The following GRAMD2B variants were observed in gnomAD, a reference collection of about 807,000 sequenced individuals.
The protein encoded by GRAMD2B is GRAM domain-containing protein 2B.
GRAMD2B carries 41 observed loss-of-function variants against 59.2 expected under a neutral mutation model. The observed-to-expected ratio is 0.69, with a 90% CI of 0.54 to 0.90. GRAMD2B has a LOEUF of 0.90. GRAMD2B is among the 40% of genes least tolerant of loss of function. The pLI, the probability that GRAMD2B is intolerant of heterozygous loss-of-function variation, is 0.00. For synonymous variants in GRAMD2B, 161 were observed against 182.7 expected, an observed-to-expected ratio of 0.88 and a Z score of 0.96; for missense variants, 424 against 500.5, an observed-to-expected ratio of 0.85 and a Z score of 1.46.
At chr5:126,406,788 C>T (rs1364662114) in intron 1 of GRAMD2B, among the ~76,000 whole-genome samples, 1 of 151,918 alleles carries the variant, frequency 6.6e-6, no homozygotes, top group Non-Finnish European at 1.5e-5. Context: ...GAGTCAGATT[C>T]CTGATGATTT....
chr5:126,396,838 G>C (rs911171444), intron 1 of GRAMD2B, among the ~76,000 whole-genome samples: 4 of 152,132 alleles, frequency 2.6e-5, no homozygotes, highest in African/African-American at 9.7e-5. Flanking sequence ...ACCAGCATCT[G>C]CTATTTTTTG....
intron 1 of GRAMD2B, among the ~76,000 whole-genome samples, chr5:126,417,700 A>G (rs1334184712): frequency 1.3e-5 from 2 of 152,218 alleles, no homozygotes; most frequent in Admixed American, 6.5e-5. Flanking sequence ...GCCACCAAAG[A>G]TAACTCTAGA....
chr5:126,367,908 C>T (rs967218342), upstream of GRAMD2B, among the ~76,000 whole-genome samples: 3 of 152,076 alleles, frequency 2.0e-5, no homozygotes, highest in South Asian at 2.1e-4. Context: ...CCCGCCACCA[C>T]GCCCGGCTAA....
At chr5:126,392,829 T>C (rs1362184596) in intron 1 of GRAMD2B, among the ~76,000 whole-genome samples, 3 of 152,192 alleles carry the variant, frequency 2.0e-5, no homozygotes, top group African/African-American at 2.4e-5. Flanking sequence ...ATCTCTCGCA[T>C]GTGCAGTTCG....
Position 126,415,199 on chromosome 5 carries a change from G to C in GRAMD2B, c.125+43632G>C, listed in dbSNP as rs137926038. 4.4e-3 allele frequency among the ~76,000 whole-genome samples: 664 copies of C among 152,296 alleles called. 5 individuals carry two copies. Among genetic ancestry groups the C allele is most frequent in the African/African-American group, 0.015 (633 of 41,572 alleles). On this transcript the variant is annotated intron_variant, in intron 1 of 8. Transcript: ENST00000506445. ...GTGGACAATTGGGAATGAGTGGTTT[G>C]TGTGTGACCCAAAACAAAAGAACAC...
At chr5:126,404,196 C>T (rs543821831) in intron 1 of GRAMD2B, among the ~76,000 whole-genome samples, 1 of 151,810 alleles carries the variant, frequency 6.6e-6, no homozygotes, top group South Asian at 2.1e-4. Flanking sequence ...CAACACAACC[C>T]AAGGAAATGA....
chr5:126,392,236 T>A (rs1756876737), intron 1 of GRAMD2B, among the ~76,000 whole-genome samples: 1 of 152,162 alleles, frequency 6.6e-6, no homozygotes, highest in African/African-American at 2.4e-5. Context: ...AGAGATTCAC[T>A]AGAAGGACTC....
intron 1 of GRAMD2B, among the ~76,000 whole-genome samples, chr5:126,456,965 G>A (rs981256908): frequency 2.0e-5 from 3 of 151,730 alleles, no homozygotes; most frequent in Non-Finnish European, 2.9e-5. Context: ...GGCCAAGGCA[G>A]GCAGATCACA....
chr5:126,395,814 G>A (rs1448330921), intron 1 of GRAMD2B, among the ~76,000 whole-genome samples: 1 of 152,054 alleles, frequency 6.6e-6, no homozygotes, highest in Non-Finnish European at 1.5e-5. Flanking sequence ...GTTTTATTGA[G>A]GTATAGTTGA....
Position 126,484,433 on chromosome 5 carries a change from G to A in GRAMD2B, c.879G>A (p.Leu293=). The A allele has an allele frequency of 6.2e-7, 1 of 1,614,134 alleles. No homozygotes were observed. Among genetic ancestry groups the A allele is most frequent in the Non-Finnish European group, 8.5e-7 (1 of 1,180,006 alleles). Residue 293 remains leucine, a synonymous_variant, in exon 10 of 14, where the codon CTG becomes CTA. Coordinates refer to ENST00000285689, the MANE Select transcript of GRAMD2B (RefSeq NM_023927.4). The part of the protein sequence containing the change: ...DFHATESQTV[L]NVSKGEAKPT... ...ATGCGACAGAATCCCAAACAGTTCT[G>A]AATGTCTCCAAGGGAGAAGCAAAGC... is the stretch of plus-strand genomic sequence containing the variant.
At chr5:126,422,508 A>G (rs997708125), upstream of GRAMD2B, among the ~76,000 whole-genome samples, 2 of 152,080 alleles carry the variant, frequency 1.3e-5, no homozygotes, top group Non-Finnish European at 2.9e-5. Context: ...CCCTGCACAG[A>G]CCTTTTTTAA....
At chr5:126,468,211 T>G (rs1768835853) in intron 2 of GRAMD2B, among the ~76,000 whole-genome samples, 1 of 152,204 alleles carries the variant, frequency 6.6e-6, no homozygotes, top group African/African-American at 2.4e-5. Flanking sequence ...TACGTACAAA[T>G]GTACACATCC....
At chr5:126,438,028 G>T (rs1762700168) in intron 1 of GRAMD2B, among the ~76,000 whole-genome samples, 1 of 152,152 alleles carries the variant, frequency 6.6e-6, no homozygotes, top group South Asian at 2.1e-4. Flanking sequence ...CCCCATGTCT[G>T]CCTGTAATCT....
chr5:126,402,715 G>A (rs1313069097), intron 1 of GRAMD2B, among the ~76,000 whole-genome samples: 1 of 151,950 alleles, frequency 6.6e-6, no homozygotes, highest in Non-Finnish European at 1.5e-5. Context: ...CACTTTGTGG[G>A]AATAGTCTTA....
chr5:126,400,183 G>A (rs1411180035), intron 1 of GRAMD2B, among the ~76,000 whole-genome samples: 1 of 151,802 alleles, frequency 6.6e-6, no homozygotes. Context: ...GATACTTCAT[G>A]CAAATGATAA....
chr5:126,488,829 A>C lies in GRAMD2B; in HGVS notation c.1194A>C (p.Gln398His). The C allele has an allele frequency of 6.2e-7, 1 of 1,613,848 alleles. No homozygotes were observed. Among genetic ancestry groups the C allele is most frequent in the Non-Finnish European group, 8.5e-7 (1 of 1,179,788 alleles). The change falls in exon 13 of 14, where the codon CAA (glutamine) becomes CAC (histidine). Residue 398 changes from glutamine (Q) to histidine (H), a missense_variant. Gln to His is a conservative substitution (Grantham distance 24). Transcript: ENST00000285689. ...CAGCACCATCTGGCCTGAGGTCACAAGTACAATTCAATGTGGAGGTTCTCT... is the reference window on the plus strand; with the variant it reads ...CAGCACCATCTGGCCTGAGGTCACACGTACAATTCAATGTGGAGGTTCTCT... ...EQAAPSGLRS[Q>H]VQFNVEVLCQ...
upstream of GRAMD2B, among the ~76,000 whole-genome samples, chr5:126,370,530 A>G (rs911070727): frequency 1.3e-5 from 2 of 152,244 alleles, no homozygotes; most frequent in Non-Finnish European, 2.9e-5. Context: ...TTCCTTGTGC[A>G]TGAACATTTG....
At position 126,400,719 on chromosome 5, in the gene GRAMD2B, G is replaced by A. The variant is rs1016045081; in HGVS notation, c.125+29152G>A. On this transcript the variant is annotated intron_variant, in intron 1 of 8. Coordinates refer to the GRAMD2B transcript ENST00000506445. ...TATTTCTGAAGGACAGCTTTATCAA[G>A]TATGGTATTCTTGGTTGGCAGTTTT... Among the ~76,000 whole-genome samples, 4 of 152,248 alleles carry A rather than the reference G, an allele frequency of 2.6e-5. No individual in the cohort carries two copies. The South Asian group carries it at 6.2e-4, about 24-fold the overall frequency.
chr5:126,413,447 A>G (rs1758997447), intron 1 of GRAMD2B, among the ~76,000 whole-genome samples: 1 of 152,004 alleles, frequency 6.6e-6, no homozygotes, highest in African/African-American at 2.4e-5. Flanking sequence ...TTTCATTTTT[A>G]TTCTACCACA....
Sources: allele counts gnomAD v4.1 joint callset (sites outside exome capture counted in the v4.1 genomes callset), GRCh38; gene constraint gnomAD v4.1.1; transcripts MANE v1.5; gene names NCBI Gene and HGNC (gene_info 2026-07-23, HGNC 2026-07-21).